The following RGS22 variants were observed in gnomAD, a reference collection of about 807,000 sequenced individuals.
RGS22 encodes the protein regulator of G protein signaling 22.
A neutral mutation model predicts 172.9 loss-of-function variants in RGS22; 148 were observed. The observed-to-expected ratio is 0.86, with a 90% CI of 0.75 to 0.98. The LOEUF is 0.98. RGS22 is among the 50% of genes least tolerant of loss of function. The pLI, the probability that RGS22 is intolerant of heterozygous loss-of-function variation, is 0.00. For missense variants in RGS22, 1,347 were observed against 1,440.8 expected (o/e 0.93, Z 1.05); for synonymous variants, 458 against 480.2 (o/e 0.95, Z 0.60).
Position 100,003,917 on chromosome 8 carries a change from GT to G in RGS22, c.2627+8del. ...TTTTCAGTGAGAAATATATGGTTAT[GT>G]CCCTCACCTTGAAGAATGAGTCTCA... On this transcript the variant is annotated splice_region_variant and intron_variant, in intron 17 of 27. Transcript: ENST00000360863. 3.1e-6 allele frequency: 5 copies of G among 1,597,054 alleles called. No individual in the cohort carries two copies. Among genetic ancestry groups the G allele is most frequent in the Non-Finnish European group, 4.3e-6 (5 of 1,170,636 alleles).
intron 20 of RGS22, among the ~76,000 whole-genome samples, chr8:99,989,857 C>CAGATAGAT (rs1333408045): frequency 3.6e-5 from 5 of 137,740 alleles, no homozygotes; most frequent in African/African-American, 1.4e-4. Flanking sequence ...GATAGATAGA[C>CAGATAGAT]AGACAGATAG....
At chr8:100,064,368 C>T (rs547806760) in intron 7 of RGS22, among the ~76,000 whole-genome samples, 1 of 152,034 alleles carries the variant, frequency 6.6e-6, no homozygotes, top group South Asian at 2.1e-4. Context: ...GAGGCTGAGG[C>T]ACAAGAATCG....
rs1432208482 is a variant in RGS22, at chr8:100,105,880, G to A, written c.25+17C>T. 4.7e-6 allele frequency: 7 copies of A among 1,504,718 alleles called. No individual in the cohort carries two copies. The highest frequency in any genetic ancestry group is 3.5e-6 in the Non-Finnish European group (4 of 1,127,952). 93.2% of individuals were successfully genotyped at this position (1,504,718 alleles called of 1,614,324 possible). ...CGCCGCGGGCTGATCCTCTGTCCCT[G>A]TGGGGCCGCCACCTACCCGCGGTGA... On this transcript the variant is annotated intron_variant, in intron 1 of 27. Transcript: ENST00000360863.
chr8:99,994,062 C>G (rs1219461877), intron 20 of RGS22, among the ~76,000 whole-genome samples: 1 of 152,150 alleles, frequency 6.6e-6, no homozygotes, highest in Non-Finnish European at 1.5e-5. Context: ...ACAAATTCAG[C>G]AACCCTTCAT....
At chr8:99,975,132 T>G (rs1184988449) in intron 23 of RGS22, among the ~76,000 whole-genome samples, 1 of 150,828 alleles carries the variant, frequency 6.6e-6, no homozygotes, top group Non-Finnish European at 1.5e-5. Flanking sequence ...GGCGACAGAG[T>G]GAGACTCCAT....
At chr8:99,975,947 T>C (rs563031216) in intron 23 of RGS22, among the ~76,000 whole-genome samples, 2 of 152,288 alleles carry the variant, frequency 1.3e-5, no homozygotes, top group Non-Finnish European at 1.5e-5. Flanking sequence ...CCAAGCACTT[T>C]GGGAGGCTGA....
chr8:100,072,380 C>A, intron 4 of RGS22, 150 bp from the exon 5 acceptor site: 1 of 463,934 alleles, frequency 2.2e-6, no homozygotes, highest in South Asian at 4.4e-5. Flanking sequence ...GATCAATAAA[C>A]CTGAGCCACA....
At chr8:99,969,733 C>A (rs1811129884) in intron 23 of RGS22, among the ~76,000 whole-genome samples, 1 of 152,162 alleles carries the variant, frequency 6.6e-6, no homozygotes, top group Non-Finnish European at 1.5e-5. Context: ...ATTCATAAAG[C>A]AAGTTCTTAG....
rs749176528 is a variant in RGS22, at chr8:100,047,481, T to A, written c.1805A>T (p.Asp602Val). ...CACCTACCCTTTCTCAATCACATCA[T>A]CCTTAGAAGAACCTGGATACAAAAG... The part of the protein sequence containing the change: ...RELLYPGSSK[D>V]DVIEKGSKYM... The change falls in exon 11 of 28, where the codon GAT (aspartate) becomes GTT (valine). Residue 602 changes from aspartate (D) to valine (V), a missense_variant. Transcript: ENST00000360863. 6 of 1,602,016 alleles carry A rather than the reference T, an allele frequency of 3.7e-6. No individual in the cohort carries two copies. The African/African-American group carries it at 8.1e-5, about 22-fold the overall frequency.
At chr8:99,975,203 T>C (rs1398162641) in intron 23 of RGS22, among the ~76,000 whole-genome samples, 1 of 152,022 alleles carries the variant, frequency 6.6e-6, no homozygotes, top group Non-Finnish European at 1.5e-5. Context: ...ATAGATGGTA[T>C]TAATAAAATA....
At chr8:99,963,660 T>C (rs1249858633) in intron 24 of RGS22, among the ~76,000 whole-genome samples, 1 of 152,210 alleles carries the variant, frequency 6.6e-6, no homozygotes, top group Non-Finnish European at 1.5e-5. Flanking sequence ...AGTATAACTA[T>C]TTACATAGCA....
intron 14 of RGS22, among the ~76,000 whole-genome samples, chr8:100,015,518 C>T (rs1193050747): frequency 1.3e-5 from 2 of 152,126 alleles, no homozygotes; most frequent in Non-Finnish European, 2.9e-5. Flanking sequence ...GTCTTGAGCT[C>T]CTGATCTCAA....
intron 14 of RGS22, among the ~76,000 whole-genome samples, chr8:100,030,919 G>C (rs1385981854): frequency 6.6e-6 from 1 of 152,110 alleles, no homozygotes; most frequent in Non-Finnish European, 1.5e-5. Context: ...TACTAGGAGG[G>C]TAAAAGCCGA....
chr8:100,070,618 TG>T (rs1810895910), intron 6 of RGS22, among the ~76,000 whole-genome samples: 1 of 152,230 alleles, frequency 6.6e-6, no homozygotes, highest in Non-Finnish European at 1.5e-5. Flanking sequence ...TTTATAATTG[TG>T]GGTTTTTTGT....
At chr8:100,065,284 C>A (rs764189994) in intron 7 of RGS22, among the ~76,000 whole-genome samples, 1 of 152,170 alleles carries the variant, frequency 6.6e-6, no homozygotes, top group Non-Finnish European at 1.5e-5. Flanking sequence ...TCGCACAGAG[C>A]GAGGCAGGCA....
chr8:99,966,694 T>C (rs1021744800), intron 23 of RGS22, among the ~76,000 whole-genome samples: 11 of 152,174 alleles, frequency 7.2e-5, no homozygotes, highest in African/African-American at 2.2e-4. Flanking sequence ...AGTAAGAACA[T>C]TTCATGCCTT....
chr8:99,976,211 A>T (rs554425049), intron 23 of RGS22, among the ~76,000 whole-genome samples: 2 of 152,298 alleles, frequency 1.3e-5, no homozygotes, highest in Non-Finnish European at 2.9e-5. Context: ...TAAAAAAAAT[A>T]AAAATAAAAA....
At chr8:100,010,459 C>T (rs747244974) in intron 14 of RGS22, among the ~76,000 whole-genome samples, 4 of 152,176 alleles carry the variant, frequency 2.6e-5, no homozygotes, top group Admixed American at 6.5e-5. Flanking sequence ...GCACTGCAGC[C>T]TGGCAACAGA....
chr8:100,032,343 C>CA (rs997036205), intron 14 of RGS22, among the ~76,000 whole-genome samples: 9 of 150,572 alleles, frequency 6.0e-5, no homozygotes, highest in Non-Finnish European at 8.9e-5. Context: ...AAATGGAAAA[C>CA]AAAAAAAAGG....
Sources: allele counts gnomAD v4.1 joint callset (sites outside exome capture counted in the v4.1 genomes callset), GRCh38; gene constraint gnomAD v4.1.1; transcripts MANE v1.5; gene names NCBI Gene and HGNC (gene_info 2026-07-23, HGNC 2026-07-21).